Variants in GDF6 observed in about 807,000 individuals in gnomAD.
GDF6 encodes the protein growth/differentiation factor 6.
A neutral mutation model predicts 32.4 loss-of-function variants in GDF6; 3 were observed. The observed-to-expected ratio is 0.09, with a 90% CI of 0.04 to 0.24. GDF6 has a LOEUF of 0.24. Among genes scored for constraint, GDF6 ranks in the 10% least tolerant of loss-of-function variants. The pLI is 1.00. For synonymous variants in GDF6, 296 were observed against 295.3 expected (o/e 1.00, Z -0.03); for missense variants, 589 against 637.9 (o/e 0.92, Z 0.83).
chr8:96,145,044 T>G lies in GDF6; in HGVS notation c.887A>C (p.Gln296Pro). The change falls in exon 2 of 2, where the codon CAG becomes CCG. Residue 296 changes from glutamine to proline, a missense_variant. Physicochemically the swap from Gln to Pro is moderately conservative, Grantham distance 76. Coordinates refer to ENST00000287020, the MANE Select transcript of GDF6 (RefSeq NM_001001557.4). This position sits in a 1 kb window ranked among gnomAD's most constrained non-coding sequence, Gnocchi z 5.6. ...RKNLFAEMRE[Q>P]LGSAEAAGPG... ...GCCCGCAGCCTCGGCCGAGCCCAGC[T>G]GCTCGCGCATCTCTGCGAACAGGTT... The G allele has an allele frequency of 6.8e-7, 1 of 1,473,366 alleles. No homozygotes were observed. Among genetic ancestry groups the G allele is most frequent in the Non-Finnish European group, 8.9e-7 (1 of 1,117,988 alleles). 91.3% of individuals were successfully genotyped at this position (1,473,366 alleles called of 1,614,324 possible). A position where few individuals can be genotyped will look rare whatever the true frequency, so the allele number is the denominator to read the frequency against.
chr8:96,149,941 C>T (rs931539651), intron 1 of GDF6, among the ~76,000 whole-genome samples: 1 of 152,196 alleles, frequency 6.6e-6, no homozygotes, highest in African/African-American at 2.4e-5. Context: ...CTCCAGCCTG[C>T]CCACTCCAGC....
chr8:96,154,789 C>T (rs1812631358), intron 1 of GDF6, among the ~76,000 whole-genome samples: 1 of 152,176 alleles, frequency 6.6e-6, no homozygotes, highest in Admixed American at 6.5e-5. Flanking sequence ...TCTATCATAC[C>T]ATCTTCCTCC....
chr8:96,145,528 C>A lies in GDF6; in HGVS notation c.407-4G>T. 6.3e-7 allele frequency: 1 copy of A among 1,597,772 alleles called. No homozygotes were observed. The highest frequency in any genetic ancestry group is 8.5e-7 in the Non-Finnish European group (1 of 1,179,600). On this transcript the variant is annotated splice_region_variant and splice_polypyrimidine_tract_variant and intron_variant, in intron 1 of 1. Transcript: ENST00000287020. This position sits in a 1 kb window ranked among gnomAD's most constrained non-coding sequence, Gnocchi z 5.6. ...AGAGGAGTGTGCGAGAGATCGTCTG[C>A]GAGATAAAAAATAATTACAGTCAGT...
chr8:96,160,442 T>C lies in GDF6; in HGVS notation c.251A>G (p.Glu84Gly). Residue 84 changes from glutamate (E) to glycine (G), a missense_variant, in exon 1 of 2, where the codon GAG becomes GGG. Glu to Gly is a moderately conservative substitution (Grantham distance 98, BLOSUM62 -2). Coordinates refer to ENST00000287020, the MANE Select transcript of GDF6 (RefSeq NM_001001557.4). ...EPRAQQPRAQEPPGRGPRVVP... is the reference protein window; with the variant it reads ...EPRAQQPRAQGPPGRGPRVVP... ...CACGCGCGGACCCCTGCCTGGCGGC[T>C]CCTGCGCCCGGGGCTGCTGAGCCCG... The C allele has an allele frequency of 1.2e-6, 2 of 1,613,822 alleles. No individual in the cohort carries two copies. The highest frequency in any genetic ancestry group is 1.7e-6 in the Non-Finnish European group (2 of 1,179,852).
chr8:96,151,166 C>T (rs11784306), intron 1 of GDF6, among the ~76,000 whole-genome samples: 6,978 of 152,282 alleles, frequency 0.046, 187 homozygotes, highest in Middle Eastern at 0.1. Flanking sequence ...AAGCTGCTGA[C>T]GCATTGCTAA....
At position 96,144,590 on chromosome 8, in the gene GDF6, C is replaced by T; in HGVS notation, c.1341G>A (p.Met447Ile). The change falls in exon 2 of 2, where the codon ATG (methionine) becomes ATA (isoleucine). Residue 447 changes from methionine to isoleucine, a missense_variant. By Grantham distance (10) the Met-to-Ile change is conservative (BLOSUM62 1). Coordinates refer to ENST00000287020, the MANE Select transcript of GDF6 (RefSeq NM_001001557.4). The surrounding 1 kb of genome is among the most constrained non-coding windows in gnomAD (Gnocchi z 5.1). ...ACCTGCAGCCGCACGACTCCACCAC[C>T]ATGTCCTCGTACTGCTTGTAGACCA... Reference protein sequence around the residue: ...NNVVYKQYEDMVVESCGCR With the variant: ...NNVVYKQYEDIVVESCGCR 1 of 1,614,008 alleles carries T rather than the reference C, an allele frequency of 6.2e-7. No individual in the cohort carries two copies. The highest frequency in any genetic ancestry group is 8.5e-7 in the Non-Finnish European group (1 of 1,179,976).
Position 96,145,387 on chromosome 8 carries a change from C to A in GDF6, c.544G>T (p.Gly182Trp). 6.4e-7 allele frequency: 1 copy of A among 1,574,518 alleles called. No individual in the cohort carries two copies. Among genetic ancestry groups the A allele is most frequent in the Non-Finnish European group, 8.6e-7 (1 of 1,167,836 alleles). Reference protein sequence around the residue: ...APSAPWGPPAGPLHVQLFPCL... With the variant: ...APSAPWGPPAWPLHVQLFPCL... ...GGGAAGAGCTGCACGTGGAGCGGCC[C>A]GGCTGGTGGCCCCCAGGGCGCTGAG... is the stretch of plus-strand genomic sequence containing the variant. The change falls in exon 2 of 2, where the codon GGG (glycine) becomes TGG (tryptophan). Residue 182 changes from glycine (G) to tryptophan (W), a missense_variant. Coordinates refer to ENST00000287020, the MANE Select transcript of GDF6 (RefSeq NM_001001557.4). This position sits in a 1 kb window ranked among gnomAD's most constrained non-coding sequence, Gnocchi z 5.6.
intron 1 of GDF6, among the ~76,000 whole-genome samples, chr8:96,159,045 C>T (rs1257896106): frequency 1.3e-5 from 2 of 152,128 alleles, no homozygotes; most frequent in South Asian, 2.1e-4. Context: ...GTGCGAGCAC[C>T]CAGGGTAGCA....
intron 1 of GDF6, among the ~76,000 whole-genome samples, chr8:96,157,613 C>T (rs941475976): frequency 2.0e-5 from 3 of 152,188 alleles, no homozygotes; most frequent in African/African-American, 7.2e-5. Flanking sequence ...CTGCTCTTTC[C>T]TCCTCGCCAG....
In GDF6 at chr8:96,148,745, G is replaced by A. The variant is rs77121725; in HGVS notation, c.407-3221C>T. 1.5e-3 allele frequency among the ~76,000 whole-genome samples: 235 copies of A among 152,314 alleles called. 1 individual carries two copies. Among genetic ancestry groups the A allele is most frequent in the African/African-American group, 5.3e-3 (222 of 41,566 alleles). On this transcript the variant is annotated intron_variant, in intron 1 of 1. Coordinates refer to ENST00000287020, the MANE Select transcript of GDF6 (RefSeq NM_001001557.4). Reference sequence around the variant, plus strand: ...CTAAGGCAGTACTCACCAGGACCAAGTCAATTCTACCTCTCCCAGCCCATT... The same window carrying A: ...CTAAGGCAGTACTCACCAGGACCAAATCAATTCTACCTCTCCCAGCCCATT...
At position 96,160,633 on chromosome 8, in the gene GDF6, C is replaced by A. The variant is rs760057321; in HGVS notation, c.60G>T (p.Leu20Phe). The part of the protein sequence containing the change: ...AVFLISFLWD[L>F]PGFQQASISS... Reference sequence around the variant, plus strand: ...AGATGGAAGCCTGCTGGAAACCGGGCAAATCCCACAGAAAACTGATGAGGA... The same window carrying A: ...AGATGGAAGCCTGCTGGAAACCGGGAAAATCCCACAGAAAACTGATGAGGA... The change falls in exon 1 of 2, where the codon TTG becomes TTT. Residue 20 changes from leucine (L) to phenylalanine (F), a missense_variant. Physicochemically the swap from Leu to Phe is conservative, Grantham distance 22. Coordinates refer to ENST00000287020, the MANE Select transcript of GDF6 (RefSeq NM_001001557.4). The A allele has an allele frequency of 5.0e-6, 8 of 1,613,724 alleles. No individual in the cohort carries two copies. Among genetic ancestry groups the A allele is most frequent in the Middle Eastern group, 1.7e-4 (1 of 6,060 alleles).
At chr8:96,154,317 C>T (rs1256196734) in intron 1 of GDF6, among the ~76,000 whole-genome samples, 5 of 152,176 alleles carry the variant, frequency 3.3e-5, no homozygotes, top group African/African-American at 1.2e-4. Context: ...CGCCCGCCGC[C>T]CGCCCCTTCC....
intron 1 of GDF6, among the ~76,000 whole-genome samples, chr8:96,154,554 G>C (rs900736925): frequency 6.6e-6 from 1 of 152,150 alleles, no homozygotes; most frequent in Non-Finnish European, 1.5e-5. Flanking sequence ...GGAATGGCAC[G>C]GTGAATCCAC....
chr8:96,145,567 G>A lies in GDF6; in HGVS notation c.407-43C>T. The A allele has an allele frequency of 6.3e-7, 1 of 1,596,700 alleles. No homozygotes were observed. The highest frequency in any genetic ancestry group is 8.5e-7 in the Non-Finnish European group (1 of 1,179,334). On this transcript the variant is annotated intron_variant, in intron 1 of 1. Coordinates refer to ENST00000287020, the MANE Select transcript of GDF6 (RefSeq NM_001001557.4). The surrounding 1 kb of genome is among the most constrained non-coding windows in gnomAD (Gnocchi z 5.6). ...ATTACAGTCAGTTTCACTTAAGGGG[G>A]AGATCAGCCCGGTGCTCTTCGGCCG...
rs140782427 is a variant in GDF6, at chr8:96,144,627, G to A, written c.1304C>T (p.Ala435Val). The stretch of plus-strand genomic sequence containing the variant: ...CTGCTTGTAGACCACATTATTGCCC[G>A]CGTCGATGTATAGAATGCTGATGGG... ...LTPISILYID[A>V]GNNVVYKQYE... Residue 435 changes from alanine to valine, a missense_variant, in exon 2 of 2, where the codon GCG (alanine) becomes GTG (valine). Ala to Val is a moderately conservative substitution (Grantham distance 64). Around this residue, in one of 2 missense-constraint regions of GDF6, gnomAD observed 153 missense variants for 226.7 expected, o/e 0.67. Coordinates refer to ENST00000287020, the MANE Select transcript of GDF6 (RefSeq NM_001001557.4). The surrounding 1 kb of genome is among the most constrained non-coding windows in gnomAD (Gnocchi z 5.1). 1.8e-4 allele frequency: 287 copies of A among 1,614,020 alleles called. No homozygotes were observed. In the Middle Eastern group the frequency reaches 3.6e-3, roughly 20 times the overall value.
chr8:96,144,612 A>G lies in GDF6; in HGVS notation c.1319T>C (p.Val440Ala), dbSNP rs755721060. 1 of 1,613,976 alleles carries G rather than the reference A, an allele frequency of 6.2e-7. No individual in the cohort carries two copies. Among genetic ancestry groups the G allele is most frequent in the South Asian group, 1.1e-5 (1 of 91,060 alleles). Residue 440 changes from valine to alanine, a missense_variant, in exon 2 of 2, where the codon GTC becomes GCC. Physicochemically the swap from Val to Ala is moderately conservative, Grantham distance 64. Coordinates refer to ENST00000287020, the MANE Select transcript of GDF6 (RefSeq NM_001001557.4). The surrounding 1 kb of genome is among the most constrained non-coding windows in gnomAD (Gnocchi z 5.1). The part of the protein sequence containing the change: ...ILYIDAGNNV[V>A]YKQYEDMVVE... ...CACCATGTCCTCGTACTGCTTGTAGACCACATTATTGCCCGCGTCGATGTA... is the reference window on the plus strand; with the variant it reads ...CACCATGTCCTCGTACTGCTTGTAGGCCACATTATTGCCCGCGTCGATGTA...
chr8:96,153,513 C>T (rs1339633517), intron 1 of GDF6, among the ~76,000 whole-genome samples: 1 of 152,174 alleles, frequency 6.6e-6, no homozygotes, highest in Admixed American at 6.5e-5. Context: ...GGGGGGTTGG[C>T]TAGGGGCGGC....
intron 1 of GDF6, among the ~76,000 whole-genome samples, chr8:96,157,496 G>A (rs1812688240): frequency 6.6e-6 from 1 of 152,048 alleles, no homozygotes; most frequent in Admixed American, 6.6e-5. Flanking sequence ...CTCCCCTTGG[G>A]GGACCCCCGG....
intron 1 of GDF6, among the ~76,000 whole-genome samples, chr8:96,153,773 G>A (rs577050325): frequency 6.6e-6 from 1 of 152,258 alleles, no homozygotes; most frequent in East Asian, 1.9e-4. Context: ...TTGTAGTCGC[G>A]GGGAGGATAT....
Sources: allele counts gnomAD v4.1 joint callset (sites outside exome capture counted in the v4.1 genomes callset), GRCh38; gene constraint gnomAD v4.1.1; regional missense constraint gnomAD v4.1.1; non-coding constraint Gnocchi (gnomAD v3.1); transcripts MANE v1.5; gene names NCBI Gene and HGNC (gene_info 2026-07-23, HGNC 2026-07-21).